The following GRAMD2A variants were observed in gnomAD, a reference collection of about 807,000 sequenced individuals.
GRAMD2A encodes GRAM domain-containing protein 2A.
In GRAMD2A, 37 loss-of-function variants were observed where a neutral mutation model predicts 51.1. The ratio of observed to expected loss-of-function variants is 0.72; its 90% confidence interval spans 0.56 to 0.95. The LOEUF (loss-of-function observed/expected upper bound fraction) is 0.95. GRAMD2A is among the 40% of genes least tolerant of loss of function. GRAMD2A has a pLI of 0.00. For missense variants in GRAMD2A, 414 were observed against 426.9 expected (o/e 0.97, Z 0.27); for synonymous variants, 136 against 157.1 (o/e 0.87, Z 1.01).
chr15:72,163,760 G>A lies in GRAMD2A; in HGVS notation c.601-3C>T, dbSNP rs2081509033. Reference sequence around the variant, plus strand: ...TTCATCTCAGGGATGAGGACTTCCTGCAGTAAGACAGGAGAAGCTATCTTA... The same window carrying A: ...TTCATCTCAGGGATGAGGACTTCCTACAGTAAGACAGGAGAAGCTATCTTA... On this transcript the variant is annotated splice_polypyrimidine_tract_variant and splice_region_variant and intron_variant, in intron 8 of 11. Coordinates refer to ENST00000309731, the MANE Select transcript of GRAMD2A (RefSeq NM_001012642.3). 1 of 1,608,624 alleles carries A rather than the reference G, an allele frequency of 6.2e-7. No individual in the cohort carries two copies. The highest frequency in any genetic ancestry group is 8.5e-7 in the Non-Finnish European group (1 of 1,178,634).
At chr15:72,192,592 G>A (rs1056099969) in intron 1 of GRAMD2A, among the ~76,000 whole-genome samples, 10 of 152,136 alleles carry the variant, frequency 6.6e-5, no homozygotes, top group African/African-American at 1.9e-4. Flanking sequence ...GCTGCTGTGC[G>A]GTGGGTAAGG....
rs371861361 is a variant in GRAMD2A at position 72,163,254 on chromosome 15, A to G, written c.956+12T>C. ...AGGTGGGTCTGTCCCCCTCCCCAGT[A>G]TAGTCACTTACAGCACAAAGAAGAC... On this transcript the variant is annotated intron_variant, in intron 10 of 11. Coordinates refer to ENST00000309731, the MANE Select transcript of GRAMD2A (RefSeq NM_001012642.3). The G allele has an allele frequency of 6.2e-7, 1 of 1,602,160 alleles. No homozygotes were observed. Among genetic ancestry groups the G allele is most frequent in the South Asian group, 1.1e-5 (1 of 90,852 alleles).
intron 1 of GRAMD2A, among the ~76,000 whole-genome samples, chr15:72,189,017 T>C (rs966501473): frequency 6.6e-6 from 1 of 152,160 alleles, no homozygotes; most frequent in African/African-American, 2.4e-5. Context: ...CTTAAAAGTA[T>C]TATACACCTG....
intron 1 of GRAMD2A, among the ~76,000 whole-genome samples, chr15:72,190,390 G>T (rs779369833): frequency 6.6e-6 from 1 of 151,708 alleles, no homozygotes; most frequent in Admixed American, 6.6e-5. Flanking sequence ...AAAAAAAAAG[G>T]TTCTTCCCAA....
rs543747197 is a variant in GRAMD2A, at chr15:72,165,468, G to A, written c.544-58C>T. 2.8e-5 allele frequency: 43 copies of A among 1,534,056 alleles called. 1 individual carries two copies. In the South Asian group the frequency reaches 4.5e-4, roughly 16 times the overall value. ...CATCTGGAACAGGCAAGGTCAGGCA[G>A]GGGGAAGCATCAGCCCTCTCCAAGA... On this transcript the variant is annotated intron_variant, in intron 7 of 11. Coordinates refer to ENST00000309731, the MANE Select transcript of GRAMD2A (RefSeq NM_001012642.3).
At chr15:72,192,987 G>A (rs970144172) in intron 1 of GRAMD2A, among the ~76,000 whole-genome samples, 2 of 151,940 alleles carry the variant, frequency 1.3e-5, no homozygotes, top group Admixed American at 6.6e-5. Flanking sequence ...TTAGTCGGGC[G>A]TGGTGGCACA....
At position 72,166,925 on chromosome 15, in the gene GRAMD2A, A is replaced by T; in HGVS notation, c.471+69T>A. ...AAATAAAGACCTGGGAATGTGCCCG[A>T]GTCAGACTGTGGGCTGTCAGGGCTG... On this transcript the variant is annotated intron_variant, in intron 6 of 11. Transcript: ENST00000309731. The surrounding 1 kb of genome is among the most constrained non-coding windows in gnomAD (Gnocchi z 4.1). The T allele has an allele frequency of 1.6e-6, 2 of 1,262,504 alleles. No homozygotes were observed. Among genetic ancestry groups the T allele is most frequent in the Non-Finnish European group, 2.3e-6 (2 of 860,666 alleles). The allele number at this position is 1,262,504 out of a possible 1,614,324, so 78.2% of individuals were successfully genotyped here.
chr15:72,182,629 A>G (rs1035360239), intron 1 of GRAMD2A, among the ~76,000 whole-genome samples: 4 of 152,344 alleles, frequency 2.6e-5, no homozygotes, highest in African/African-American at 7.2e-5. Flanking sequence ...AGGATTTAGT[A>G]TCCCAAATAT....
At chr15:72,196,340 AC>A (rs1272482971) in intron 1 of GRAMD2A, among the ~76,000 whole-genome samples, 2 of 151,910 alleles carry the variant, frequency 1.3e-5, no homozygotes, top group Non-Finnish European at 2.9e-5. Flanking sequence ...ACATGGTGAA[AC>A]CCCATCTCTA....
At chr15:72,172,111 C>T (rs941637560) in intron 1 of GRAMD2A, among the ~76,000 whole-genome samples, 3 of 151,544 alleles carry the variant, frequency 2.0e-5, no homozygotes, top group African/African-American at 7.3e-5. Context: ...CAGGCATGAG[C>T]CACCACGCCC....
Position 72,161,053 on chromosome 15 carries a change from C to A in GRAMD2A, c.*956G>T, listed in dbSNP as rs987659240. ...CACGCAACTGTCCAGACAAGCCCCC[C>A]TCAACGGGCTGCTGTTGGCCATGCC... On this transcript the variant is annotated 3_prime_UTR_variant, in exon 12 of 12. Coordinates refer to ENST00000309731, the MANE Select transcript of GRAMD2A (RefSeq NM_001012642.3). The A allele has an allele frequency of 6.6e-6, 1 of 152,320 alleles. No individual in the cohort carries two copies. The highest frequency in any genetic ancestry group is 2.4e-5 in the African/African-American group (1 of 41,478). 9.4% of individuals were successfully genotyped at this position (152,320 alleles called of 1,614,324 possible).
At chr15:72,176,001 C>T (rs2081650070) in intron 1 of GRAMD2A, 1 of 152,338 alleles carries the variant, frequency 6.6e-6, no homozygotes, top group South Asian at 2.1e-4. Context: ...GCCCTTTCCT[C>T]CAGGAGCTCT....
chr15:72,177,917 G>A lies in GRAMD2A; in HGVS notation c.42-7978C>T, dbSNP rs566843884. On this transcript the variant is annotated intron_variant, in intron 1 of 11. Transcript: ENST00000309731. ...TAATTGTTGTATTTTTAGCAGAGAC[G>A]GGGTTTCACCATGTTGGCCAGGCTG... is the stretch of plus-strand genomic sequence containing the variant. Among the ~76,000 whole-genome samples the A allele has an allele frequency of 1.4e-4, 21 of 152,264 alleles. 1 individual carries two copies. In the East Asian group the frequency reaches 3.3e-3, roughly 24 times the overall value.
At chr15:72,196,763 G>A (rs1276770305) in intron 1 of GRAMD2A, among the ~76,000 whole-genome samples, 2 of 152,142 alleles carry the variant, frequency 1.3e-5, no homozygotes, top group Non-Finnish European at 2.9e-5. Context: ...AGTGAGTGGG[G>A]CGGCAAGCAG....
At chr15:72,169,345 T>C (rs1015463827) in intron 2 of GRAMD2A, 2 of 456,290 alleles carry the variant, frequency 4.4e-6, no homozygotes, top group African/African-American at 4.0e-5. Flanking sequence ...GGCCAAGGGG[T>C]AAGCAGGGGA....
chr15:72,165,274 G>GC (rs2081529827), intron 8 of GRAMD2A, 80 bp downstream of exon 8: 1 of 1,293,418 alleles, frequency 7.7e-7, no homozygotes, highest in South Asian at 1.2e-5. Context: ...TGCATTGTGG[G>GC]CCCCCCTAGG....
chr15:72,195,490 C>T (rs2081798252), intron 1 of GRAMD2A, among the ~76,000 whole-genome samples: 1 of 152,164 alleles, frequency 6.6e-6, no homozygotes, highest in Non-Finnish European at 1.5e-5. Context: ...GGGAGAGCTT[C>T]CAAGAGGCCA....
intron 1 of GRAMD2A, among the ~76,000 whole-genome samples, chr15:72,194,049 A>T (rs2081788245): frequency 6.6e-6 from 1 of 152,134 alleles, no homozygotes; most frequent in African/African-American, 2.4e-5. Context: ...CACATTAGCA[A>T]ATAACTGGGG....
chr15:72,170,107 G>C lies in GRAMD2A; in HGVS notation c.42-168C>G, dbSNP rs2081594456. On this transcript the variant is annotated intron_variant, in intron 1 of 11. Coordinates refer to ENST00000309731, the MANE Select transcript of GRAMD2A (RefSeq NM_001012642.3). This position sits in a 1 kb window ranked among gnomAD's most constrained non-coding sequence, Gnocchi z 4.5. ...TTCAGAGGCAGCAGCGCAGGCAGAG[G>C]TTCTGGGATGGCTGACGGAGTAGGC... The C allele has an allele frequency of 1.4e-6, 1 of 708,288 alleles. No individual in the cohort carries two copies. The highest frequency in any genetic ancestry group is 1.5e-5 in the South Asian group (1 of 68,584). 43.9% of individuals were successfully genotyped at this position (708,288 alleles called of 1,614,324 possible).
Sources: gnomAD v4.1 joint callset for allele counts (sites outside exome capture counted in the v4.1 genomes callset) on GRCh38, gnomAD v4.1.1 for gene constraint, Gnocchi (gnomAD v3.1) non-coding constraint, MANE v1.5 for transcripts, NCBI Gene and HGNC (gene_info 2026-07-23, HGNC 2026-07-21) for gene names.